TBCD: variants seen among roughly 807,000 people sequenced by gnomAD.
TBCD encodes the protein tubulin-specific chaperone D.
TBCD carries 105 observed loss-of-function variants against 169.3 expected under a neutral mutation model. The ratio of observed to expected loss-of-function variants is 0.62; its 90% CI spans 0.53 to 0.73. TBCD has a LOEUF of 0.73. TBCD is among the 30% of genes least tolerant of loss of function. The pLI, the probability that TBCD is intolerant of heterozygous loss-of-function variation, is 0.00. For synonymous variants in TBCD, 700 were observed against 643.9 expected (o/e 1.09, Z -1.32); for missense variants, 1,444 against 1,600.1 (o/e 0.90, Z 1.66).
intron 36 of TBCD, among the ~76,000 whole-genome samples, chr17:82,938,381 C>T (rs866958404): frequency 2.6e-5 from 4 of 152,122 alleles, no homozygotes; most frequent in African/African-American, 7.2e-5. Context: ...GGTGACCTGG[C>T]GGTGGGATCT....
Position 82,832,712 on chromosome 17 carries a change from T to C in TBCD, c.1318+17778T>C. 6 of 536,124 alleles carry C rather than the reference T, an allele frequency of 1.1e-5. No homozygotes were observed. In the South Asian group the frequency reaches 1.2e-4, roughly 11 times the overall value. The allele number at this position is 536,124 out of a possible 1,614,324, so 33.2% of individuals were successfully genotyped here. The stretch of plus-strand genomic sequence containing the variant: ...AGAAGCCGGCCTCGGCTCGCCACAG[T>C]GCCACAGGATCCCTGAAGCAGAACC... On this transcript the variant is annotated intron_variant, in intron 13 of 38. Coordinates refer to ENST00000355528, the MANE Select transcript of TBCD (RefSeq NM_005993.5). This position sits in a 1 kb window ranked among gnomAD's most constrained non-coding sequence, Gnocchi z 4.9.
rs537371537 is a variant in TBCD, at chr17:82,765,390, C to G, written c.334-877C>G. ...GTCTGCTCATAGTCTGCTTTTCTTA[C>G]AAGCTTGCGGGTGTCTGTGCTCATA... is the stretch of plus-strand genomic sequence containing the variant. On this transcript the variant is annotated intron_variant, in intron 3 of 38. Coordinates refer to ENST00000355528, the MANE Select transcript of TBCD (RefSeq NM_005993.5). 6.9e-5 allele frequency among the ~76,000 whole-genome samples: 8 copies of G among 115,546 alleles called. No individual in the cohort carries two copies. The South Asian group carries it at 2.2e-3, about 32-fold the overall frequency. 75.8% of individuals were successfully genotyped at this position (115,546 alleles called of 152,430 possible).
Position 82,806,139 on chromosome 17 carries a change from AGTGCACGGTCACTGCCC to A in TBCD, c.1087+131_1087+147del. 1 of 1,295,692 alleles carries A rather than the reference AGTGCACGGTCACTGCCC, an allele frequency of 7.7e-7. No individual in the cohort carries two copies. The highest frequency in any genetic ancestry group is 1.1e-6 in the Non-Finnish European group (1 of 948,208). 80.3% of individuals were successfully genotyped at this position (1,295,692 alleles called of 1,614,324 possible). A position where few individuals can be genotyped will look rare whatever the true frequency, so the allele number is the denominator to read the frequency against. ...GTCTGGCCACCCGTCCCCTTCGCTG[AGTGCACGGTCACTGCCC>A]GTCCTCTGGCTCCTGAACCCAGGCC... On this transcript the variant is annotated intron_variant, in intron 10 of 38. Transcript: ENST00000355528. The surrounding 1 kb of genome is among the most constrained non-coding windows in gnomAD (Gnocchi z 5.1).
At chr17:82,940,221 G>GCGCGCACACACACACACACA (rs1356825330) in intron 37 of TBCD, among the ~76,000 whole-genome samples, 1 of 131,700 alleles carries the variant, frequency 7.6e-6, no homozygotes, top group East Asian at 2.3e-4. Context: ...TTGCACGCGC[G>GCGCGCACACACACACACACA]CACACACACA....
chr17:82,830,776 G>A, intron 13 of TBCD: 9 of 1,613,744 alleles, frequency 5.6e-6, no homozygotes, highest in Non-Finnish European at 7.6e-6. Flanking sequence ...GAGGTTGAGG[G>A]GGCCCATCCC....
chr17:82,837,806 C>T (rs76876269), intron 13 of TBCD, among the ~76,000 whole-genome samples: 16,465 of 152,310 alleles, frequency 0.11, 1,196 homozygotes, highest in South Asian at 0.3. Flanking sequence ...GTGCCCTCTT[C>T]TCCAACACAC....
chr17:82,884,006 C>T lies in TBCD; in HGVS notation c.1476-139C>T. The T allele has an allele frequency of 3.9e-6, 3 of 762,568 alleles. No homozygotes were observed. The highest frequency in any genetic ancestry group is 4.3e-6 in the Non-Finnish European group (2 of 461,038). The allele number at this position is 762,568 out of a possible 1,614,324, so 47.2% of individuals were successfully genotyped here. A position where few individuals can be genotyped will look rare whatever the true frequency, so the allele number is the denominator to read the frequency against. On this transcript the variant is annotated intron_variant, in intron 14 of 38. Transcript: ENST00000355528. The surrounding 1 kb of genome is among the most constrained non-coding windows in gnomAD (Gnocchi z 4.2). The stretch of plus-strand genomic sequence containing the variant: ...GTCTGTCTGCAGTCCCTGGGTGCCT[C>T]AAGCTGTGTGTTGCCTGTGGGGCAT...
intron 6 of TBCD, among the ~76,000 whole-genome samples, chr17:82,778,965 CCTG>C: frequency 6.7e-6 from 1 of 149,124 alleles, no homozygotes; most frequent in South Asian, 2.2e-4. Flanking sequence ...CCCGGCCATG[CCTG>C]GCTAATTTTT....
chr17:82,901,445 T>C (rs1248121016), intron 18 of TBCD, among the ~76,000 whole-genome samples: 5 of 152,136 alleles, frequency 3.3e-5, no homozygotes, highest in Non-Finnish European at 7.4e-5. Context: ...CCATGGGGGA[T>C]GCGTTTGCTG....
intron 14 of TBCD, among the ~76,000 whole-genome samples, chr17:82,879,195 C>T (rs147701668): frequency 8.7e-4 from 132 of 151,640 alleles, no homozygotes; most frequent in African/African-American, 2.8e-3. Context: ...CACATCCTCT[C>T]GGTGGAGAAC....
rs1224278264 is a variant in TBCD, at chr17:82,921,535, A to G, written c.2136A>G (p.Arg712=). 6.2e-7 allele frequency: 1 copy of G among 1,614,038 alleles called. No homozygotes were observed. The highest frequency in any genetic ancestry group is 8.5e-7 in the Non-Finnish European group (1 of 1,179,910). ...AATGGCTGATAAATGACACTTTGAG[A>G]CATCTCCATCTCATCTCAAGTCACT... ...GWQWLINDTL[R]HLHLISSHSR... Residue 712 remains arginine (R), a synonymous_variant, in exon 25 of 39, where the codon AGA becomes AGG. Transcript: ENST00000355528.
At chr17:82,859,323 C>T (rs1315527176) in intron 13 of TBCD, among the ~76,000 whole-genome samples, 1 of 149,876 alleles carries the variant, frequency 6.7e-6, no homozygotes, top group Non-Finnish European at 1.5e-5. Context: ...GTCGTCTGGC[C>T]TGCCGGCTCT....
rs2054435555 is a variant in TBCD, at chr17:82,840,951, C to T, written c.1318+26017C>T. On this transcript the variant is annotated intron_variant, in intron 13 of 38. Transcript: ENST00000355528. Reference sequence around the variant, plus strand: ...GGACGAGCTGGCCAGGACAGACAAACTGGTTTTTTTTTTTTTTTTTTTTTT... The same window carrying T: ...GGACGAGCTGGCCAGGACAGACAAATTGGTTTTTTTTTTTTTTTTTTTTTT... 3.4e-5 allele frequency among the ~76,000 whole-genome samples: 2 copies of T among 57,982 alleles called. 1 individual carries two copies. Among genetic ancestry groups the T allele is most frequent in the African/African-American group, 1.4e-4 (2 of 13,814 alleles). The allele number at this position is 57,982 out of a possible 152,430, so 38.0% of individuals were successfully genotyped here. A position where few individuals can be genotyped will look rare whatever the true frequency, so the allele number is the denominator to read the frequency against.
At chr17:82,817,975 G>A (rs1460770615) in intron 13 of TBCD, among the ~76,000 whole-genome samples, 1 of 152,112 alleles carries the variant, frequency 6.6e-6, no homozygotes, top group African/African-American at 2.4e-5. Flanking sequence ...TGTGTAGCTG[G>A]GATGGAATGA....
chr17:82,884,246 G>C lies in TBCD; in HGVS notation c.1533+44G>C, dbSNP rs1390822768. 6 of 1,541,614 alleles carry C rather than the reference G, an allele frequency of 3.9e-6. No homozygotes were observed. Among genetic ancestry groups the C allele is most frequent in the Non-Finnish European group, 4.4e-6 (5 of 1,132,816 alleles). ...ATATTTCCTTTCCTGAAGGTGGGGG[G>C]TGGGCCTGGTCTCCCTGATGCTCCT... On this transcript the variant is annotated intron_variant, in intron 15 of 38. Coordinates refer to ENST00000355528, the MANE Select transcript of TBCD (RefSeq NM_005993.5). The surrounding 1 kb of genome is among the most constrained non-coding windows in gnomAD (Gnocchi z 4.2).
chr17:82,862,795 G>A (rs1384005963), intron 13 of TBCD, among the ~76,000 whole-genome samples: 1 of 152,244 alleles, frequency 6.6e-6, no homozygotes, highest in Admixed American at 6.5e-5. Flanking sequence ...GCAGAAGTCA[G>A]TCACCTGTGG....
chr17:82,906,947 G>T (rs1430278780), intron 20 of TBCD, among the ~76,000 whole-genome samples: 1 of 152,220 alleles, frequency 6.6e-6, no homozygotes, highest in Non-Finnish European at 1.5e-5. Flanking sequence ...GAGCTCCCAG[G>T]GTCCTCCAGT....
Position 82,907,918 on chromosome 17 carries a change from T to C in TBCD, c.1983+97T>C, listed in dbSNP as rs2060361077. On this transcript the variant is annotated intron_variant, in intron 21 of 38. Coordinates refer to ENST00000355528, the MANE Select transcript of TBCD (RefSeq NM_005993.5). ...CCCCAGGCAGGGTCTGCAGTCCTGG[T>C]GGCCACTGTGCTCCATCAGTCCTGG... The C allele has an allele frequency of 2.3e-6, 3 of 1,326,436 alleles. No homozygotes were observed. In the Admixed American group the frequency reaches 6.6e-5, roughly 29 times the overall value. The allele number at this position is 1,326,436 out of a possible 1,614,324, so 82.2% of individuals were successfully genotyped here.
intron 8 of TBCD, among the ~76,000 whole-genome samples, chr17:82,799,829 C>G (rs1386934392): frequency 6.6e-6 from 1 of 152,238 alleles, no homozygotes; most frequent in East Asian, 1.9e-4. Flanking sequence ...ATTGTGCCCA[C>G]TGTCAGAGCC....
Sources: gnomAD v4.1 joint callset for allele counts (sites outside exome capture counted in the v4.1 genomes callset) on GRCh38, gnomAD v4.1.1 for gene constraint, Gnocchi (gnomAD v3.1) non-coding constraint, MANE v1.5 for transcripts, NCBI Gene and HGNC (gene_info 2026-07-23, HGNC 2026-07-21) for gene names.